The following AMBRA1 variants were observed in gnomAD, a reference collection of about 807,000 sequenced individuals.
The protein encoded by AMBRA1 is activating molecule in BECN1-regulated autophagy protein 1.
A neutral mutation model predicts 125.4 loss-of-function variants in AMBRA1; 47 were observed. That is an observed-to-expected ratio of 0.37 (90% CI 0.30 to 0.48). The LOEUF is 0.48. Among genes scored for constraint, AMBRA1 ranks in the 20% least tolerant of loss-of-function variants. AMBRA1 has a pLI of 0.99. For missense variants in AMBRA1, 1,331 were observed against 1,693.4 expected (o/e 0.79, Z 3.76); for synonymous variants, 626 against 655.5 (o/e 0.95, Z 0.69).
intron 7 of AMBRA1, among the ~76,000 whole-genome samples, chr11:46,514,892 G>A (rs11038906): frequency 0.21 from 32,580 of 151,990 alleles, 4,231 homozygotes; most frequent in African/African-American, 0.37. Flanking sequence ...CAGAGTCTGG[G>A]AAAAAAGGAA....
At chr11:46,518,523 T>C (rs1565243798) in intron 7 of AMBRA1, 1 of 152,552 alleles carries the variant, frequency 6.6e-6, no homozygotes, top group Admixed American at 6.6e-5. Flanking sequence ...GCAGGTTTGG[T>C]AAACTACAGG....
intron 1 of AMBRA1, among the ~76,000 whole-genome samples, chr11:46,592,081 G>A (rs1305966223): frequency 6.6e-6 from 1 of 151,148 alleles, no homozygotes; most frequent in Non-Finnish European, 1.5e-5. Context: ...AAGTAGCTGG[G>A]ATTACAGGCA....
chr11:46,426,083 A>G (rs1046398949), intron 14 of AMBRA1, among the ~76,000 whole-genome samples: 30 of 152,178 alleles, frequency 2.0e-4, no homozygotes, highest in South Asian at 1.0e-3. Context: ...AAAAAAAAAA[A>G]AAAGAAAGAA....
Position 46,467,624 on chromosome 11 carries a change from CTG to C in AMBRA1, c.2522-24028_2522-24027del, listed in dbSNP as rs1420974246. 2.0e-5 allele frequency among the ~76,000 whole-genome samples: 3 copies of C among 151,274 alleles called. No individual in the cohort carries two copies. In the East Asian group the frequency reaches 5.8e-4, roughly 29 times the overall value. Reference sequence around the variant, plus strand: ...AGTGCACTGGCACGATCTCAGCTCACTGCAACCTCTGCCTCCTGGGTTCAAGC... The same window carrying C: ...AGTGCACTGGCACGATCTCAGCTCACCAACCTCTGCCTCCTGGGTTCAAGC... On this transcript the variant is annotated intron_variant, in intron 11 of 17. Transcript: ENST00000683756.
intron 11 of AMBRA1, among the ~76,000 whole-genome samples, chr11:46,475,728 C>A (rs1949786627): frequency 1.3e-5 from 2 of 152,160 alleles, no homozygotes; most frequent in African/African-American, 4.8e-5. Context: ...AGTCAACTTG[C>A]AACCATCATC....
At chr11:46,509,363 G>A (rs1019203333) in intron 8 of AMBRA1, among the ~76,000 whole-genome samples, 4 of 152,206 alleles carry the variant, frequency 2.6e-5, no homozygotes, top group African/African-American at 2.4e-5. Flanking sequence ...ACAGAAAAAT[G>A]TTTTCTATGA....
At chr11:46,575,512 CTTTTTTT>C (rs775796043) in intron 1 of AMBRA1, among the ~76,000 whole-genome samples, 14 of 100,412 alleles carry the variant, frequency 1.4e-4, no homozygotes, top group Non-Finnish European at 2.2e-4. Flanking sequence ...TTTTTCTTTC[CTTTTTTT>C]TTTTTTTTTT....
At chr11:46,587,489 C>A (rs2044445264) in intron 1 of AMBRA1, among the ~76,000 whole-genome samples, 1 of 152,120 alleles carries the variant, frequency 6.6e-6, no homozygotes, top group African/African-American at 2.4e-5. Context: ...AAATATCAGA[C>A]ACATATTACA....
intron 11 of AMBRA1, among the ~76,000 whole-genome samples, chr11:46,471,431 A>G (rs1949582404): frequency 6.6e-6 from 1 of 151,784 alleles, no homozygotes. Context: ...ACAAAAAATT[A>G]GCTGGGCATG....
At chr11:46,447,240 CAA>C (rs58671092) in intron 11 of AMBRA1, among the ~76,000 whole-genome samples, 20 of 135,036 alleles carry the variant, frequency 1.5e-4, no homozygotes, top group South Asian at 2.4e-4. Flanking sequence ...ACTCTTATCG[CAA>C]AAAAAAAAAA....
intron 11 of AMBRA1, among the ~76,000 whole-genome samples, chr11:46,463,875 T>TG (rs1366781629): frequency 6.6e-6 from 1 of 152,212 alleles, no homozygotes; most frequent in Non-Finnish European, 1.5e-5. Flanking sequence ...CTCTGGCCTG[T>TG]GGAAGATCCA....
intron 1 of AMBRA1, among the ~76,000 whole-genome samples, chr11:46,566,813 T>C (rs1349923088): frequency 2.0e-5 from 3 of 152,116 alleles, no homozygotes; most frequent in Admixed American, 2.0e-4. Flanking sequence ...TGGGAGAAAT[T>C]TAGTTTACAG....
chr11:46,434,788 C>A, intron 13 of AMBRA1, 61 bp downstream of exon 13: 1 of 1,504,188 alleles, frequency 6.6e-7, no homozygotes. Flanking sequence ...CCTCACCTAG[C>A]AATGACCATG....
chr11:46,405,258 C>G (rs1204429293), intron 17 of AMBRA1, among the ~76,000 whole-genome samples: 1 of 152,230 alleles, frequency 6.6e-6, no homozygotes, highest in Non-Finnish European at 1.5e-5. Context: ...AGCCCCTCCT[C>G]CTCTATGCTC....
intron 14 of AMBRA1, among the ~76,000 whole-genome samples, chr11:46,427,106 A>AG (rs1947177661): frequency 1.3e-5 from 2 of 151,450 alleles, no homozygotes; most frequent in South Asian, 4.1e-4. Context: ...AGGGCAGGGA[A>AG]GGAGAGAGTC....
chr11:46,560,274 C>G (rs938515087), intron 1 of AMBRA1, among the ~76,000 whole-genome samples: 1 of 152,094 alleles, frequency 6.6e-6, no homozygotes, highest in African/African-American at 2.4e-5. Flanking sequence ...CAAAATAAGA[C>G]CGACCTCTGT....
chr11:46,507,596 G>A (rs1242449704), intron 9 of AMBRA1, among the ~76,000 whole-genome samples: 1 of 151,928 alleles, frequency 6.6e-6, no homozygotes, highest in Non-Finnish European at 1.5e-5. Flanking sequence ...GCCCAAAGAA[G>A]CAAGAAATCA....
intron 11 of AMBRA1, among the ~76,000 whole-genome samples, chr11:46,488,901 G>A (rs889284880): frequency 2.0e-5 from 3 of 151,936 alleles, no homozygotes; most frequent in Non-Finnish European, 4.4e-5. Flanking sequence ...TCAGTAAAAA[G>A]GTTTTTTTGT....
At chr11:46,463,971 GAA>G (rs1336366661) in intron 11 of AMBRA1, among the ~76,000 whole-genome samples, 4 of 152,200 alleles carry the variant, frequency 2.6e-5, no homozygotes, top group Non-Finnish European at 4.4e-5. Context: ...TTCATGCTCT[GAA>G]AAGTCAGAAA....
Sources: allele counts gnomAD v4.1 joint callset (sites outside exome capture counted in the v4.1 genomes callset), GRCh38; gene constraint gnomAD v4.1.1; transcripts MANE v1.5; gene names NCBI Gene and HGNC (gene_info 2026-07-23, HGNC 2026-07-21).